The following BCAR3 variants were observed in gnomAD, a reference collection of about 807,000 sequenced individuals.
BCAR3 encodes the protein breast cancer anti-estrogen resistance protein 3.
Under a neutral mutation model 80.1 loss-of-function variants are expected in BCAR3, and 37 were observed. The observed-to-expected ratio is 0.46, with a 90% CI of 0.36 to 0.61. The LOEUF is 0.61. Ranked by LOEUF, BCAR3 falls within the 20% of genes least tolerant of loss-of-function variation. The pLI, the probability that BCAR3 is intolerant of heterozygous loss-of-function variation, is 0.00. For synonymous variants in BCAR3, 389 were observed against 418.9 expected (o/e 0.93, Z 0.87); for missense variants, 978 against 1,068.2 (o/e 0.92, Z 1.18).
chr1:93,846,987 C>CT (rs879228306), intron 1 of BCAR3: 6 of 192,612 alleles, frequency 3.1e-5, no homozygotes, highest in Non-Finnish European at 5.9e-5. Context: ...GCGGCGCTCG[C>CT]GCGCAGGTCC....
intron 3 of BCAR3, among the ~76,000 whole-genome samples, chr1:93,632,211 G>C (rs1462494093): frequency 6.6e-6 from 1 of 152,194 alleles, no homozygotes; most frequent in South Asian, 2.1e-4. Context: ...TTGAAAGCCT[G>C]TTATGCATTA....
intron 2 of BCAR3, among the ~76,000 whole-genome samples, chr1:93,659,100 C>T (rs758744207): frequency 1.1e-4 from 16 of 152,194 alleles, no homozygotes; most frequent in Admixed American, 2.0e-4. Flanking sequence ...CCTTGTTCTC[C>T]AGCATGAAGC....
At chr1:93,734,599 A>G (rs1319710835) in intron 2 of BCAR3, among the ~76,000 whole-genome samples, 1 of 152,186 alleles carries the variant, frequency 6.6e-6, no homozygotes, top group Non-Finnish European at 1.5e-5. Context: ...ACAGCTTTGC[A>G]TGGGCCACCC....
chr1:93,570,353 C>T (rs984624360), intron 9 of BCAR3, among the ~76,000 whole-genome samples: 2 of 152,140 alleles, frequency 1.3e-5, no homozygotes, highest in Non-Finnish European at 2.9e-5. Flanking sequence ...GAGTGACCAG[C>T]GGTTTTGGTG....
chr1:93,809,626 G>A (rs1357922804), intron 2 of BCAR3, among the ~76,000 whole-genome samples: 1 of 151,864 alleles, frequency 6.6e-6, no homozygotes, highest in African/African-American at 2.4e-5. Context: ...AAATTAGCTG[G>A]GCGTGGCTGT....
chr1:93,732,195 T>TG (rs1206886990), intron 2 of BCAR3, among the ~76,000 whole-genome samples: 1 of 152,182 alleles, frequency 6.6e-6, no homozygotes, highest in African/African-American at 2.4e-5. Flanking sequence ...GACAGGGCCC[T>TG]GGGGGTGAAA....
At chr1:93,762,786 C>T (rs1315045716) in intron 2 of BCAR3, among the ~76,000 whole-genome samples, 1 of 152,138 alleles carries the variant, frequency 6.6e-6, no homozygotes, top group Non-Finnish European at 1.5e-5. Flanking sequence ...CCCAAAGCCT[C>T]TTCTAAGTTG....
At chr1:93,650,999 C>CCTAAAAGTAAATAAA in intron 2 of BCAR3, among the ~76,000 whole-genome samples, 1 of 152,308 alleles carries the variant, frequency 6.6e-6, no homozygotes, top group South Asian at 2.1e-4. Context: ...CTGGAATATT[C>CCTAAAAGTAAATAAA]ACTTATACCC....
chr1:93,566,504 G>A (rs1041790842), intron 11 of BCAR3, among the ~76,000 whole-genome samples: 1 of 152,108 alleles, frequency 6.6e-6, no homozygotes, highest in East Asian at 1.9e-4. Flanking sequence ...GCTGACTGAG[G>A]AGGCTGCTTT....
At chr1:93,700,351 C>A (rs1649594801) in intron 3 of BCAR3, among the ~76,000 whole-genome samples, 1 of 152,122 alleles carries the variant, frequency 6.6e-6, no homozygotes, top group Non-Finnish European at 1.5e-5. Flanking sequence ...CACCCCTACA[C>A]CTGGCTAATT....
intron 3 of BCAR3, chr1:93,706,017 C>A (rs1386513000): frequency 1.3e-5 from 2 of 152,272 alleles, no homozygotes; most frequent in East Asian, 3.9e-4. Context: ...TGGATCAACA[C>A]CACCCCACAG....
rs79307599 is a variant in BCAR3 at position 93,788,960 on chromosome 1, T to G, written c.-63+56607A>C. Among the ~76,000 whole-genome samples the G allele has an allele frequency of 9.0e-3, 1,365 of 152,154 alleles. 22 individuals are homozygous for G. Among genetic ancestry groups the G allele is most frequent in the African/African-American group, 0.031 (1,269 of 41,522 alleles). ...AATAATACCAGCAAATGTTAAAATA[T>G]TCCCTCCCTTCCTCCCTCCCTTCCT... is the stretch of plus-strand genomic sequence containing the variant. On this transcript the variant is annotated intron_variant, in intron 2 of 13. Transcript: ENST00000370244.
In BCAR3 at chr1:93,686,969, T is replaced by TTAAA. The variant is rs1034743891; in HGVS notation, c.-11-12032_-11-12029dup. The stretch of plus-strand genomic sequence containing the variant: ...ACCCAGCATAGGTCAGGTTCCCCAG[T>TTAAA]TAAATGTGCCTTACAGCACCCTCTC... On this transcript the variant is annotated intron_variant, in intron 3 of 13. Transcript: ENST00000370244. Among the ~76,000 whole-genome samples the TTAAA allele has an allele frequency of 1.4e-4, 21 of 152,296 alleles. 3 individuals carry two copies. The highest frequency in any genetic ancestry group is 7.8e-4 in the Admixed American group (12 of 15,292).
chr1:93,787,182 T>C (rs1167796689), intron 2 of BCAR3, among the ~76,000 whole-genome samples: 1 of 152,208 alleles, frequency 6.6e-6, no homozygotes, highest in Non-Finnish European at 1.5e-5. Flanking sequence ...GGGTTTCAAT[T>C]CTCAGCTGAC....
At chr1:93,689,345 C>T (rs1649087324) in intron 3 of BCAR3, among the ~76,000 whole-genome samples, 1 of 151,892 alleles carries the variant, frequency 6.6e-6, no homozygotes, top group East Asian at 1.9e-4. Context: ...AATTAGTGCT[C>T]ACTTTGGCAG....
chr1:93,771,075 T>G (rs763157964), intron 2 of BCAR3, among the ~76,000 whole-genome samples: 13 of 152,312 alleles, frequency 8.5e-5, no homozygotes, highest in Middle Eastern at 3.4e-3. Flanking sequence ...CTAGCTAATG[T>G]TTATTAAGCA....
chr1:93,819,407 C>T (rs959541356), intron 2 of BCAR3, among the ~76,000 whole-genome samples: 5 of 152,188 alleles, frequency 3.3e-5, no homozygotes, highest in Admixed American at 6.6e-5. Context: ...ATTGATACTT[C>T]GGGAGCACCT....
chr1:93,767,893 A>C (rs1345883010), intron 2 of BCAR3, among the ~76,000 whole-genome samples: 1 of 152,196 alleles, frequency 6.6e-6, no homozygotes, highest in African/African-American at 2.4e-5. Flanking sequence ...CCAAGACAAC[A>C]TTTCAATTAG....
rs778487718 is a variant in BCAR3, at chr1:93,824,759, C to T, written c.-63+20808G>A. 2.1e-4 allele frequency among the ~76,000 whole-genome samples: 28 copies of T among 133,964 alleles called. 5 individuals are homozygous for T. The highest frequency in any genetic ancestry group is 5.1e-5 in the Non-Finnish European group (3 of 59,374). 87.9% of individuals were successfully genotyped at this position (133,964 alleles called of 152,430 possible). A position where few individuals can be genotyped will look rare whatever the true frequency, so the allele number is the denominator to read the frequency against. The stretch of plus-strand genomic sequence containing the variant: ...TTCCTCAGATGACATATTTTTCATG[C>T]GCTCTGCAAGCCCAAAGCTGCCCAC... On this transcript the variant is annotated intron_variant, in intron 2 of 13. Coordinates refer to the BCAR3 transcript ENST00000370244.
Sources: gnomAD v4.1 joint callset for allele counts (sites outside exome capture counted in the v4.1 genomes callset) on GRCh38, gnomAD v4.1.1 for gene constraint, MANE v1.5 for transcripts, NCBI Gene and HGNC (gene_info 2026-07-23, HGNC 2026-07-21) for gene names.